Variants in MTERF4 observed in about 807,000 individuals in gnomAD.
The protein encoded by MTERF4 is transcription termination factor 4, mitochondrial.
MTERF4 carries 17 observed loss-of-function variants against 22.5 expected under a neutral mutation model. That is an observed-to-expected ratio of 0.75 (90% CI 0.52 to 1.13). MTERF4 has a LOEUF of 1.13. Among genes scored for constraint, MTERF4 ranks in the 50% most tolerant of loss-of-function variants. MTERF4 has a pLI of 0.00. For synonymous variants in MTERF4, 165 were observed against 175.3 expected, an observed-to-expected ratio of 0.94 and a Z score of 0.47; for missense variants, 420 against 466.8, an observed-to-expected ratio of 0.90 and a Z score of 0.92.
At chr2:241,057,335 C>T in the MTERF4 span, among the ~76,000 whole-genome samples, 2 of 148,756 alleles carry the variant, frequency 1.3e-5, no homozygotes, top group African/African-American at 5.0e-5. Context: ...GCCGAGATTG[C>T]GCCATTGCAC....
the MTERF4 span, among the ~76,000 whole-genome samples, chr2:241,063,190 C>G: frequency 0.16 from 25,008 of 152,230 alleles, 2,362 homozygotes; most frequent in East Asian, 0.43. Context: ...GACACCTGGT[C>G]GGTGCTTCCA....
downstream of MTERF4, chr2:241,090,315 C>T (rs1256102372): frequency 6.5e-7 from 1 of 1,549,914 alleles, no homozygotes; most frequent in African/African-American, 1.4e-5. Context: ...TCTTCCACTT[C>T]CACATCGTGT....
chr2:241,062,566 G>C, the MTERF4 span, among the ~76,000 whole-genome samples: 1 of 152,124 alleles, frequency 6.6e-6, no homozygotes, highest in East Asian at 1.9e-4. Context: ...GAGCCCTGGG[G>C]TGGTTTCAAG....
At chr2:241,091,380 C>G (rs78222907), downstream of MTERF4, among the ~76,000 whole-genome samples, 690 of 142,040 alleles carry the variant, frequency 4.9e-3, 2 homozygotes, top group Non-Finnish European at 7.6e-3. The surrounding 1 kb of genome is among the most constrained non-coding windows in gnomAD (Gnocchi z 4.1). Context: ...CCACATGTTC[C>G]TAAAGATGGG....
chr2:241,073,071 T>C lies in MTERF4; in HGVS notation n.3091A>G. 1.8e-6 allele frequency: 1 copy of C among 564,930 alleles called. No individual in the cohort carries two copies. Among genetic ancestry groups the C allele is most frequent in the Non-Finnish European group, 3.2e-6 (1 of 316,588 alleles). The allele number at this position is 564,930 out of a possible 1,614,324, so 35.0% of individuals were successfully genotyped here. ...GGGAAGGCCGAGCCCCTCCAGAGGG[T>C]CAGCAGGAGGGTGAGGCCAGCCCTT... On this transcript the variant is annotated non_coding_transcript_exon_variant, in exon 5 of 5. Coordinates refer to the MTERF4 transcript ENST00000464344. This position sits in a 1 kb window ranked among gnomAD's most constrained non-coding sequence, Gnocchi z 6.6.
Position 241,073,607 on chromosome 2 carries a change from T to C in MTERF4, n.2555A>G, listed in dbSNP as rs2062857633. On this transcript the variant is annotated non_coding_transcript_exon_variant, in exon 5 of 5. Coordinates refer to the MTERF4 transcript ENST00000464344. This position sits in a 1 kb window ranked among gnomAD's most constrained non-coding sequence, Gnocchi z 6.6. Reference sequence around the variant, plus strand: ...GGACCCACCCAAACCACCCAGAGTCTGAGCTAGAGAGACTGGCTTTGATGC... The same window carrying C: ...GGACCCACCCAAACCACCCAGAGTCCGAGCTAGAGAGACTGGCTTTGATGC... 2 of 548,326 alleles carry C rather than the reference T, an allele frequency of 3.6e-6. No homozygotes were observed. The highest frequency in any genetic ancestry group is 3.3e-6 in the Non-Finnish European group (1 of 306,878). 34.0% of individuals were successfully genotyped at this position (548,326 alleles called of 1,614,324 possible).
Position 241,073,170 on chromosome 2 carries a change from G to A in MTERF4, n.2992C>T, listed in dbSNP as rs1022325825. Reference sequence around the variant, plus strand: ...CCTGGTCCCCACCAGGGACATCCGTGCTCCCTGAGATATAGAAGCACTCAA... The same window carrying A: ...CCTGGTCCCCACCAGGGACATCCGTACTCCCTGAGATATAGAAGCACTCAA... On this transcript the variant is annotated non_coding_transcript_exon_variant, in exon 5 of 5. Coordinates refer to the MTERF4 transcript ENST00000464344. The surrounding 1 kb of genome is among the most constrained non-coding windows in gnomAD (Gnocchi z 6.6). The A allele has an allele frequency of 2.3e-6, 2 of 864,094 alleles. No individual in the cohort carries two copies. The highest frequency in any genetic ancestry group is 4.7e-5 in the Admixed American group (2 of 42,634). 53.5% of individuals were successfully genotyped at this position (864,094 alleles called of 1,614,324 possible).
downstream of MTERF4, chr2:241,090,202 A>G: frequency 6.8e-7 from 1 of 1,473,380 alleles, no homozygotes; most frequent in Non-Finnish European, 9.0e-7. Flanking sequence ...TCTGTTTTTA[A>G]AATTTTTAAT....
intron 4 of MTERF4, chr2:241,081,799 T>C: frequency 6.4e-7 from 1 of 1,568,846 alleles, no homozygotes; most frequent in Non-Finnish European, 8.7e-7. Flanking sequence ...GCTCGGTAAG[T>C]CGGGGCTTGG....
chr2:241,072,915 G>A, exon 5 of MTERF4: 2 of 323,794 alleles, frequency 6.2e-6, no homozygotes. Context: ...CCTCCAAGAA[G>A]CAGGGGTGGA....
downstream of MTERF4, chr2:241,090,117 T>A: frequency 6.7e-7 from 1 of 1,490,592 alleles, no homozygotes. Context: ...ACTTTTTAAC[T>A]CTTTTTAATA....
At chr2:241,068,094 G>A (rs1304758152), downstream of MTERF4, 22 of 773,012 alleles carry the variant, frequency 2.8e-5, no homozygotes, top group Non-Finnish European at 4.5e-5. This position sits in a 1 kb window ranked among gnomAD's most constrained non-coding sequence, Gnocchi z 5.3. Context: ...GGTCTCAGGT[G>A]AGCCAGCCTC....
chr2:241,096,690 G>A lies in MTERF4; in HGVS notation c.706-252C>T. On this transcript the variant is annotated intron_variant, in intron 3 of 3. Transcript: ENST00000391980. The surrounding 1 kb of genome is among the most constrained non-coding windows in gnomAD (Gnocchi z 5.1). ...GGAAAAGGGGCAGGAGGGAGAAGGG[G>A]CAGAAGGAAGAGGTGGTATTTTTCT... The A allele has an allele frequency of 1.5e-6, 1 of 671,460 alleles. No individual in the cohort carries two copies. Among genetic ancestry groups the A allele is most frequent in the South Asian group, 1.5e-5 (1 of 65,822 alleles). 41.6% of individuals were successfully genotyped at this position (671,460 alleles called of 1,614,324 possible). A position where few individuals can be genotyped will look rare whatever the true frequency, so the allele number is the denominator to read the frequency against.
downstream of MTERF4, chr2:241,090,518 T>C (rs60381014): frequency 0.087 from 127,914 of 1,461,964 alleles, 6,409 homozygotes; most frequent in East Asian, 0.23. Context: ...TCAAGTATTA[T>C]GTACTCTACA....
downstream of MTERF4, among the ~76,000 whole-genome samples, chr2:241,086,464 GCCAT>G (rs758185037): frequency 1.6e-4 from 24 of 152,110 alleles, no homozygotes; most frequent in Non-Finnish European, 3.5e-4. Flanking sequence ...TCTCTGTGAT[GCCAT>G]CCAAAAACTT....
the MTERF4 span, chr2:241,048,809 C>T: frequency 1.5e-5 from 23 of 1,490,370 alleles, no homozygotes; most frequent in East Asian, 5.4e-4. Context: ...CCTGAGCATC[C>T]TCATAATCGG....
the MTERF4 span, chr2:241,050,127 C>T: frequency 4.7e-6 from 3 of 644,784 alleles, no homozygotes; most frequent in Middle Eastern, 2.5e-4. Flanking sequence ...TGATCTGCAC[C>T]AGTGCCAGGC....
chr2:241,087,750 T>A, downstream of MTERF4: 1 of 1,239,686 alleles, frequency 8.1e-7, no homozygotes, highest in Non-Finnish European at 1.0e-6. Context: ...GTGCTACAAT[T>A]GGGAAGCACA....
chr2:241,046,154 TACTG>T, the MTERF4 span, among the ~76,000 whole-genome samples: 2 of 152,154 alleles, frequency 1.3e-5, no homozygotes, highest in Non-Finnish European at 2.9e-5. Flanking sequence ...AAAAAAATAA[TACTG>T]ACCTGGTGTA....
Sources: allele counts gnomAD v4.1 joint callset (sites outside exome capture counted in the v4.1 genomes callset), GRCh38; gene constraint gnomAD v4.1.1; non-coding constraint Gnocchi (gnomAD v3.1); transcripts MANE v1.5; gene names NCBI Gene and HGNC (gene_info 2026-07-23, HGNC 2026-07-21).